NARS2: variants seen among roughly 807,000 people sequenced by gnomAD.
NARS2 encodes the protein asparaginyl-tRNA synthetase.
Under a neutral mutation model 62.9 loss-of-function variants are expected in NARS2, and 60 were observed. The observed-to-expected ratio is 0.95, with a 90% CI of 0.77 to 1.18. The LOEUF (loss-of-function observed/expected upper bound fraction) is 1.18, where lower values mean the gene tolerates loss of function less well. Among genes scored for constraint, NARS2 ranks in the 50% most tolerant of loss-of-function variants. The pLI is 0.00. For missense variants in NARS2, 619 were observed against 576.4 expected, an observed-to-expected ratio of 1.07 and a Z score of -0.76; for synonymous variants, 196 against 200.0, an observed-to-expected ratio of 0.98 and a Z score of 0.17.
intron 6 of NARS2, among the ~76,000 whole-genome samples, chr11:78,521,909 A>C (rs1407098737): frequency 1.3e-5 from 2 of 152,184 alleles, no homozygotes; most frequent in East Asian, 3.8e-4. Flanking sequence ...AAAGAGAATT[A>C]AAATGATAAA....
Position 78,574,638 on chromosome 11 carries a change from C to G in NARS2, c.-150G>C. 3 of 787,578 alleles carry G rather than the reference C, an allele frequency of 3.8e-6. No individual in the cohort carries two copies. Among genetic ancestry groups the G allele is most frequent in the Non-Finnish European group, 5.9e-6 (3 of 509,422 alleles). The allele number at this position is 787,578 out of a possible 1,614,324, so 48.8% of individuals were successfully genotyped here. ...GAGCCCCTCGGCTGCGCGCTTTCTC[C>G]TTCAGGACTCCCAGCTCTGTCCCCA... On this transcript the variant is annotated 5_prime_UTR_variant, in exon 1 of 14. Coordinates refer to ENST00000281038, the MANE Select transcript of NARS2 (RefSeq NM_024678.6).
intron 5 of NARS2, among the ~76,000 whole-genome samples, chr11:78,551,387 A>G (rs763440417): frequency 1.3e-5 from 2 of 152,214 alleles, no homozygotes; most frequent in Non-Finnish European, 2.9e-5. Flanking sequence ...GTGTGTATGT[A>G]AACATATCTA....
At chr11:78,465,025 G>A (rs1329019840) in intron 11 of NARS2, among the ~76,000 whole-genome samples, 1 of 152,238 alleles carries the variant, frequency 6.6e-6, no homozygotes, top group Non-Finnish European at 1.5e-5. Flanking sequence ...GCAGGGGGCG[G>A]CGCTCGTCAG....
chr11:78,463,494 T>C (rs1021871528), intron 11 of NARS2, among the ~76,000 whole-genome samples: 1 of 152,082 alleles, frequency 6.6e-6, no homozygotes, highest in Non-Finnish European at 1.5e-5. Context: ...AAGACCAGCC[T>C]GGCCAACATG....
At chr11:78,523,177 A>T (rs1016597783) in intron 6 of NARS2, among the ~76,000 whole-genome samples, 1 of 152,126 alleles carries the variant, frequency 6.6e-6, no homozygotes, top group Admixed American at 6.5e-5. Context: ...AGGCACATGG[A>T]AAGACGCTCC....
intron 6 of NARS2, among the ~76,000 whole-genome samples, chr11:78,511,554 A>G (rs371046334): frequency 1.3e-5 from 2 of 151,994 alleles, no homozygotes; most frequent in Non-Finnish European, 2.9e-5. Flanking sequence ...CATCTCTACT[A>G]AAAATACAAA....
At chr11:78,509,838 AAAAAGAAAAG>A (rs541879485) in intron 6 of NARS2, among the ~76,000 whole-genome samples, 12 of 150,908 alleles carry the variant, frequency 8.0e-5, no homozygotes, top group East Asian at 3.9e-4. Context: ...AAAAAAAAAA[AAAAAGAAAAG>A]AAAAGAAAAG....
chr11:78,568,723 A>G lies in NARS2; in HGVS notation c.281T>C (p.Val94Ala). 6.2e-7 allele frequency: 1 copy of G among 1,611,108 alleles called. No homozygotes were observed. Among genetic ancestry groups the G allele is most frequent in the Non-Finnish European group, 8.5e-7 (1 of 1,177,930 alleles). Reference sequence around the variant, plus strand: ...TGGACTTTTTATCAGCTGCCCTTGTACTTCCACAGAACTCCCAAAATTTAA... The same window carrying G: ...TGGACTTTTTATCAGCTGCCCTTGTGCTTCCACAGAACTCCCAAAATTTAA... ...RELNFGSSVE[V>A]QGQLIKSPSK... The change falls in exon 3 of 14, where the codon GTA becomes GCA. Residue 94 changes from valine (V) to alanine (A), a missense_variant. Val to Ala is a moderately conservative substitution (Grantham distance 64, BLOSUM62 0). Transcript: ENST00000281038.
intron 6 of NARS2, among the ~76,000 whole-genome samples, chr11:78,525,230 C>G (rs1357590367): frequency 1.3e-5 from 2 of 151,952 alleles, no homozygotes; most frequent in Non-Finnish European, 2.9e-5. Context: ...GTCATCTGTC[C>G]AAAAGCATAG....
intron 9 of NARS2, among the ~76,000 whole-genome samples, chr11:78,471,518 ATCTTTTTTTT>A (rs1442559009): frequency 1.4e-5 from 2 of 144,582 alleles, no homozygotes; most frequent in African/African-American, 4.9e-5. Context: ...AGATTGAACT[ATCTTTTTTTT>A]TCTTTTTTTT....
At chr11:78,463,712 T>A (rs1266902918) in intron 11 of NARS2, among the ~76,000 whole-genome samples, 10 of 5,490 alleles carry the variant, frequency 1.8e-3, no homozygotes, top group Middle Eastern at 0.17. Flanking sequence ...ATAGTTAAGG[T>A]CAAAAAAAAA....
chr11:78,574,577 C>T lies in NARS2; in HGVS notation c.-89G>A, dbSNP rs1857061249. ...GCGGCCCTCCTTTCTCAGCTGCTCC[C>T]CTTCCGCGGCCGCAGCTCTGCTCTA... is the stretch of plus-strand genomic sequence containing the variant. On this transcript the variant is annotated 5_prime_UTR_variant, in exon 1 of 14. Coordinates refer to ENST00000281038, the MANE Select transcript of NARS2 (RefSeq NM_024678.6). The T allele has an allele frequency of 2.1e-6, 3 of 1,419,178 alleles. No individual in the cohort carries two copies. The highest frequency in any genetic ancestry group is 2.5e-5 in the Admixed American group (1 of 39,664). 87.9% of individuals were successfully genotyped at this position (1,419,178 alleles called of 1,614,324 possible). A position where few individuals can be genotyped will look rare whatever the true frequency, so the allele number is the denominator to read the frequency against.
chr11:78,449,292 T>A (rs993851531), intron 11 of NARS2, among the ~76,000 whole-genome samples: 1 of 151,752 alleles, frequency 6.6e-6, no homozygotes, highest in African/African-American at 2.4e-5. Flanking sequence ...CCTGCCACCA[T>A]GCCCGGCTAA....
At chr11:78,529,777 C>T (rs1292659227) in intron 5 of NARS2, among the ~76,000 whole-genome samples, 1 of 152,208 alleles carries the variant, frequency 6.6e-6, no homozygotes, top group Admixed American at 6.5e-5. Flanking sequence ...CCTCCCACTT[C>T]AGCCTCCCAA....
chr11:78,437,108 G>C (rs1170678210), intron 13 of NARS2, among the ~76,000 whole-genome samples: 1 of 152,130 alleles, frequency 6.6e-6, no homozygotes, highest in African/African-American at 2.4e-5. Context: ...GCCTCAGGAG[G>C]CTACAGAAAA....
At chr11:78,517,307 G>A (rs1211833189) in intron 6 of NARS2, among the ~76,000 whole-genome samples, 1 of 152,146 alleles carries the variant, frequency 6.6e-6, no homozygotes, top group Non-Finnish European at 1.5e-5. Flanking sequence ...AACAGATTTA[G>A]GGAAAAAGAT....
intron 5 of NARS2, among the ~76,000 whole-genome samples, chr11:78,543,564 C>A (rs570886795): frequency 6.6e-6 from 1 of 151,992 alleles, no homozygotes; most frequent in South Asian, 2.1e-4. Context: ...ATGGAAATAA[C>A]CATTTGTAGG....
At position 78,436,397 on chromosome 11, in the gene NARS2, C is replaced by G; in HGVS notation, c.*273G>C. ...TTAGAGTTTAAAAGAAACTTTGAGA[C>G]TAATTCAATTTCTTCATTTCTTAAT... is the stretch of plus-strand genomic sequence containing the variant. On this transcript the variant is annotated 3_prime_UTR_variant, in exon 14 of 14. Coordinates refer to ENST00000281038, the MANE Select transcript of NARS2 (RefSeq NM_024678.6). 3.0e-6 allele frequency: 1 copy of G among 333,952 alleles called. No homozygotes were observed. The highest frequency in any genetic ancestry group is 5.5e-6 in the Non-Finnish European group (1 of 181,406). The allele number at this position is 333,952 out of a possible 1,614,324, so 20.7% of individuals were successfully genotyped here.
At chr11:78,530,290 A>G (rs1458402768) in intron 5 of NARS2, among the ~76,000 whole-genome samples, 1 of 152,138 alleles carries the variant, frequency 6.6e-6, no homozygotes, top group Non-Finnish European at 1.5e-5. Context: ...GTTCTCTGAT[A>G]TTTCTTCATT....
Sources: gnomAD v4.1 joint callset for allele counts (sites outside exome capture counted in the v4.1 genomes callset) on GRCh38, gnomAD v4.1.1 for gene constraint, MANE v1.5 for transcripts, NCBI Gene and HGNC (gene_info 2026-07-23, HGNC 2026-07-21) for gene names.